Variants in ST3GAL4 observed in about 807,000 individuals in gnomAD.
ST3GAL4 encodes CMP-N-acetylneuraminate-beta-galactosamide-alpha-2,3-sialyltransferase 4.
A neutral mutation model predicts 42.6 loss-of-function variants in ST3GAL4; 24 were observed. The ratio of observed to expected loss-of-function variants is 0.56; its 90% CI spans 0.41 to 0.79. ST3GAL4 has a LOEUF of 0.79. ST3GAL4 is among the 30% of genes least tolerant of loss of function. The pLI is 0.00. For missense variants in ST3GAL4, 311 were observed against 430.8 expected (o/e 0.72, Z 2.46); for synonymous variants, 135 against 163.2 (o/e 0.83, Z 1.32).
intron 1 of ST3GAL4, among the ~76,000 whole-genome samples, chr11:126,389,652 T>C (rs1485035148): frequency 6.6e-6 from 1 of 152,136 alleles, no homozygotes; most frequent in East Asian, 1.9e-4. Context: ...CAACCTCTCA[T>C]CTCCTGGGCT....
chr11:126,371,313 C>G (rs1290549335), intron 1 of ST3GAL4, among the ~76,000 whole-genome samples: 1 of 151,658 alleles, frequency 6.6e-6, no homozygotes, highest in Non-Finnish European at 1.5e-5. Context: ...TACAGACGCA[C>G]GCCATCACGC....
At position 126,366,923 on chromosome 11, in the gene ST3GAL4, T is replaced by TGTTCAGCCTGA. The variant is rs566745814; in HGVS notation, c.-61+11082_-61+11083insTTCAGCCTGAG. ...GGGCAGGGCTGGAATTTGTGGCACC[T>TGTTCAGCCTGA]GCAGGGCTGAACGTTGCCTTTGCTG... On this transcript the variant is annotated intron_variant, in intron 1 of 10. Transcript: ENST00000444328. This position sits in a 1 kb window ranked among gnomAD's most constrained non-coding sequence, Gnocchi z 4.2. Among the ~76,000 whole-genome samples, 217 of 152,348 alleles carry TGTTCAGCCTGA rather than the reference T, an allele frequency of 1.4e-3. 1 individual carries two copies. Among genetic ancestry groups the TGTTCAGCCTGA allele is most frequent in the African/African-American group, 4.7e-3 (197 of 41,578 alleles).
chr11:126,379,537 G>A lies in ST3GAL4; in HGVS notation c.-61+23695G>A, dbSNP rs549311110. Among the ~76,000 whole-genome samples, 47 of 152,132 alleles carry A rather than the reference G, an allele frequency of 3.1e-4. No individual in the cohort carries two copies. Among genetic ancestry groups the A allele is most frequent in the Non-Finnish European group, 4.3e-4 (29 of 68,034 alleles). ...TTGTTGCCCAGGCTGCAGTGCAGTG[G>A]CACGATCTTGGCTCACTGCAACCTC... On this transcript the variant is annotated intron_variant, in intron 1 of 10. Coordinates refer to ENST00000444328, the MANE Select transcript of ST3GAL4 (RefSeq NM_001254757.2). This position sits in a 1 kb window ranked among gnomAD's most constrained non-coding sequence, Gnocchi z 4.2.
At position 126,391,488 on chromosome 11, in the gene ST3GAL4, G is replaced by A. The variant is rs1375218349; in HGVS notation, c.-60-14608G>A. 6.6e-6 allele frequency among the ~76,000 whole-genome samples: 1 copy of A among 152,106 alleles called. No individual in the cohort carries two copies. ...GCTGACTTTAGGAGGTGCGGCTCTT[G>A]GAAAGACAGAGTGTGACTTCCCCAG... On this transcript the variant is annotated intron_variant, in intron 1 of 10. Coordinates refer to ENST00000444328, the MANE Select transcript of ST3GAL4 (RefSeq NM_001254757.2). The surrounding 1 kb of genome is among the most constrained non-coding windows in gnomAD (Gnocchi z 5.5).
chr11:126,408,730 G>T (rs1178452370), intron 8 of ST3GAL4: 3 of 576,878 alleles, frequency 5.2e-6, no homozygotes, highest in Non-Finnish European at 9.2e-6. Context: ...GCAGCCACAG[G>T]CACCCATGCT....
chr11:126,362,702 T>TA (rs1425487955), intron 1 of ST3GAL4, among the ~76,000 whole-genome samples: 2 of 152,196 alleles, frequency 1.3e-5, no homozygotes, highest in Non-Finnish European at 2.9e-5. Context: ...CCCGTCCACT[T>TA]ACCAGTTATG....
rs1485719389 is a variant in ST3GAL4 at position 126,400,612 on chromosome 11, G to C, written c.-60-5484G>C. On this transcript the variant is annotated intron_variant, in intron 1 of 10. Coordinates refer to ENST00000444328, the MANE Select transcript of ST3GAL4 (RefSeq NM_001254757.2). This position sits in a 1 kb window ranked among gnomAD's most constrained non-coding sequence, Gnocchi z 4.6. ...GTTACCTAAGGGACCTTGGCTTCAT[G>C]TAAGGAGTGCGGAGTGAGTGAAGCA... Among the ~76,000 whole-genome samples the C allele has an allele frequency of 1.3e-5, 2 of 152,246 alleles. No homozygotes were observed. Among genetic ancestry groups the C allele is most frequent in the Non-Finnish European group, 2.9e-5 (2 of 68,052 alleles).
Position 126,397,941 on chromosome 11 carries a change from C to T in ST3GAL4, c.-60-8155C>T, listed in dbSNP as rs1953847370. Among the ~76,000 whole-genome samples the T allele has an allele frequency of 6.6e-6, 1 of 152,058 alleles. No homozygotes were observed. The highest frequency in any genetic ancestry group is 6.6e-5 in the Admixed American group (1 of 15,238). On this transcript the variant is annotated intron_variant, in intron 1 of 10. Coordinates refer to ENST00000444328, the MANE Select transcript of ST3GAL4 (RefSeq NM_001254757.2). This position sits in a 1 kb window ranked among gnomAD's most constrained non-coding sequence, Gnocchi z 5.0. ...AGACCCCACCTCACAACATTGTTAA[C>T]ATTTAGGATCAAGTTTCTAGCACAT...
In ST3GAL4 at chr11:126,396,422, A is replaced by G. The variant is rs547910919; in HGVS notation, c.-60-9674A>G. On this transcript the variant is annotated intron_variant, in intron 1 of 10. Transcript: ENST00000444328. The surrounding 1 kb of genome is among the most constrained non-coding windows in gnomAD (Gnocchi z 5.8). ...GTGGCTGCAAAAAATGGTCGGATTC[A>G]TGGAAGTCTGGTGTCCAGCTGGCAG... Among the ~76,000 whole-genome samples, 4 of 152,156 alleles carry G rather than the reference A, an allele frequency of 2.6e-5. No individual in the cohort carries two copies. In the South Asian group the frequency reaches 8.3e-4, roughly 32 times the overall value.
intron 1 of ST3GAL4, among the ~76,000 whole-genome samples, chr11:126,360,249 A>C (rs1365303681): frequency 6.6e-6 from 1 of 152,214 alleles, no homozygotes; most frequent in East Asian, 1.9e-4. Flanking sequence ...TTTGGAGGGA[A>C]GTCATGCAAG....
chr11:126,413,167 G>A (rs1174521471), intron 9 of ST3GAL4, among the ~76,000 whole-genome samples: 1 of 152,128 alleles, frequency 6.6e-6, no homozygotes, highest in Non-Finnish European at 1.5e-5. Context: ...CTTCACAGGT[G>A]CATTCTTAGC....
rs116593863 is a variant in ST3GAL4 at position 126,380,306 on chromosome 11, G to A, written c.-61+24464G>A. Among the ~76,000 whole-genome samples the A allele has an allele frequency of 7.3e-3, 1,090 of 149,982 alleles. 15 individuals are homozygous for A. Among genetic ancestry groups the A allele is most frequent in the African/African-American group, 0.026 (1,028 of 39,636 alleles). On this transcript the variant is annotated intron_variant, in intron 1 of 10. Transcript: ENST00000444328. ...AGTTTCCAGATTCCAGGTCACGTAA[G>A]GTGGGATCATCAATAGGCAGGTCAC...
chr11:126,389,231 A>G (rs1327643896), intron 1 of ST3GAL4, among the ~76,000 whole-genome samples: 1 of 152,182 alleles, frequency 6.6e-6, no homozygotes. Flanking sequence ...ATCTCTATTA[A>G]TATGAAAATA....
intron 1 of ST3GAL4, among the ~76,000 whole-genome samples, chr11:126,358,229 C>T (rs1952135989): frequency 2.0e-5 from 3 of 152,268 alleles, no homozygotes; most frequent in Non-Finnish European, 1.5e-5. Flanking sequence ...GGACGTTTCC[C>T]TGCAACAGGC....
Position 126,397,358 on chromosome 11 carries a change from G to A in ST3GAL4, c.-60-8738G>A, listed in dbSNP as rs950104479. The stretch of plus-strand genomic sequence containing the variant: ...ATATTCTATAGTACACTTAACTCTG[G>A]TGGGCTCTTGGTATAAAAATGTCTC... On this transcript the variant is annotated intron_variant, in intron 1 of 10. Coordinates refer to ENST00000444328, the MANE Select transcript of ST3GAL4 (RefSeq NM_001254757.2). This position sits in a 1 kb window ranked among gnomAD's most constrained non-coding sequence, Gnocchi z 5.0. Among the ~76,000 whole-genome samples the A allele has an allele frequency of 6.6e-6, 1 of 152,052 alleles. No homozygotes were observed. Among genetic ancestry groups the A allele is most frequent in the East Asian group, 1.9e-4 (1 of 5,200 alleles).
intron 1 of ST3GAL4, among the ~76,000 whole-genome samples, chr11:126,370,373 A>C (rs908311547): frequency 1.3e-5 from 2 of 152,220 alleles, no homozygotes; most frequent in African/African-American, 2.4e-5. Context: ...AAATGTAGAT[A>C]AATGTCTTAT....
At chr11:126,377,194 C>T (rs1187561191) in intron 1 of ST3GAL4, among the ~76,000 whole-genome samples, 2 of 150,798 alleles carry the variant, frequency 1.3e-5, no homozygotes, top group Non-Finnish European at 1.5e-5. Context: ...TTTTTGAGAT[C>T]GAGTCTTACT....
chr11:126,370,604 A>T (rs1191138552), intron 1 of ST3GAL4, among the ~76,000 whole-genome samples: 3 of 151,572 alleles, frequency 2.0e-5, no homozygotes, highest in East Asian at 1.9e-4. Context: ...TCTGTATCTC[A>T]CTTAAACTTT....
Position 126,376,255 on chromosome 11 carries a change from TAAA to T in ST3GAL4, c.-61+20415_-61+20417del, listed in dbSNP as rs1952830877. Among the ~76,000 whole-genome samples the T allele has an allele frequency of 1.3e-5, 2 of 152,184 alleles. No homozygotes were observed. Among genetic ancestry groups the T allele is most frequent in the Admixed American group, 1.3e-4 (2 of 15,280 alleles). On this transcript the variant is annotated intron_variant, in intron 1 of 10. Transcript: ENST00000444328. The surrounding 1 kb of genome is among the most constrained non-coding windows in gnomAD (Gnocchi z 5.1). ...TATTTGAAAGCCAGTAAATATAAAA[TAAA>T]ATATATTACCTGTGTGAAAGAGAAT...
Sources: gnomAD v4.1 joint callset for allele counts (sites outside exome capture counted in the v4.1 genomes callset) on GRCh38, gnomAD v4.1.1 for gene constraint, Gnocchi (gnomAD v3.1) non-coding constraint, MANE v1.5 for transcripts, NCBI Gene and HGNC (gene_info 2026-07-23, HGNC 2026-07-21) for gene names.